The following TRAF2 variants were observed in gnomAD, a reference collection of about 807,000 sequenced individuals.
TRAF2 encodes TNF receptor-associated factor 2.
TRAF2 carries 6 observed loss-of-function variants against 55.6 expected under a neutral mutation model. That is an observed-to-expected ratio of 0.11 (90% CI 0.06 to 0.21). The LOEUF (loss-of-function observed/expected upper bound fraction) is 0.21, where lower values mean the gene tolerates loss of function less well. Among genes scored for constraint, TRAF2 ranks in the 10% least tolerant of loss-of-function variants. The pLI, the probability that TRAF2 is intolerant of heterozygous loss-of-function variation, is 1.00. For missense variants in TRAF2, 561 were observed against 684.5 expected (o/e 0.82, Z 2.01); for synonymous variants, 329 against 276.3 (o/e 1.19, Z -1.89).
intron 7 of TRAF2, among the ~76,000 whole-genome samples, chr9:136,918,852 A>G (rs1850308914): frequency 6.7e-6 from 1 of 149,756 alleles, no homozygotes; most frequent in Non-Finnish European, 1.5e-5. Context: ...CTCCTGCCTC[A>G]GCCTTCCGGG....
intron 1 of TRAF2, among the ~76,000 whole-genome samples, chr9:136,894,555 T>A (rs1349602070): frequency 6.6e-6 from 1 of 150,798 alleles, no homozygotes; most frequent in Non-Finnish European, 1.5e-5. Context: ...AGGGCAAAGG[T>A]GTTAAGGGAA....
At chr9:136,895,850 G>GAAAAAAA (rs56199191) in intron 1 of TRAF2, among the ~76,000 whole-genome samples, 1 of 132,930 alleles carries the variant, frequency 7.5e-6, no homozygotes, top group Admixed American at 7.8e-5. Flanking sequence ...TCTGTTTAAG[G>GAAAAAAA]AAAAAAAAAA....
chr9:136,923,610 CAAAAAAAA>C (rs55666712), intron 9 of TRAF2, among the ~76,000 whole-genome samples: 2 of 67,762 alleles, frequency 3.0e-5, no homozygotes, highest in East Asian at 5.2e-4. Context: ...GACTCCATCT[CAAAAAAAA>C]AAAAAAAAAA....
chr9:136,917,449 C>G (rs1412052087), intron 7 of TRAF2, among the ~76,000 whole-genome samples: 2 of 152,220 alleles, frequency 1.3e-5, no homozygotes, highest in Admixed American at 1.3e-4. Context: ...GTCGCCAGCA[C>G]CTCGTGTCTT....
intron 10 of TRAF2, 29 bp downstream of exon 10, chr9:136,924,029 G>A: frequency 3.1e-6 from 5 of 1,608,346 alleles, no homozygotes; most frequent in Non-Finnish European, 4.2e-6. Flanking sequence ...GCTTCGCTAG[G>A]GCCGCACCTG....
chr9:136,920,097 C>G, intron 7 of TRAF2, 137 bp from the exon 8 acceptor site: 1 of 1,117,342 alleles, frequency 8.9e-7, no homozygotes, highest in Non-Finnish European at 1.2e-6. Context: ...TCAGCCATGA[C>G]CAGGCCACCC....
chr9:136,910,110 T>C (rs1484407914), intron 6 of TRAF2, 116 bp downstream of exon 6: 6 of 1,124,556 alleles, frequency 5.3e-6, no homozygotes, highest in East Asian at 2.6e-5. Context: ...GGAACAGCAG[T>C]GCAAAGCCCC....
upstream of TRAF2, chr9:136,882,720 C>A: frequency 1.0e-6 from 1 of 985,516 alleles, no homozygotes; most frequent in South Asian, 4.7e-5. Context: ...AGTGAGTCAC[C>A]CCTTTCCAGC....
At chr9:136,895,291 G>T (rs934832516) in intron 1 of TRAF2, among the ~76,000 whole-genome samples, 1 of 152,204 alleles carries the variant, frequency 6.6e-6, no homozygotes, top group Non-Finnish European at 1.5e-5. Context: ...CTGCGGTTCT[G>T]CCTGGTGGGT....
chr9:136,922,253 C>G (rs1302032680), intron 9 of TRAF2: 1 of 152,268 alleles, frequency 6.6e-6, no homozygotes, highest in African/African-American at 2.4e-5. Flanking sequence ...TGAGTTGAGA[C>G]TGGAAAAATG....
Position 136,908,182 on chromosome 9 carries a change from G to T in TRAF2, c.479G>T (p.Ser160Ile). The change falls in exon 5 of 11, where the codon AGC (serine) becomes ATC (isoleucine). Residue 160 changes from serine (S) to isoleucine (I), a missense_variant. Ser to Ile is a moderately radical substitution (Grantham distance 142). Around this residue, in one of 2 missense-constraint regions of TRAF2, gnomAD observed 426 missense variants for 476.8 expected, o/e 0.89. Transcript: ENST00000247668. The stretch of plus-strand genomic sequence containing the variant: ...CTGGAGCACGAGTGCCCGGAGAGAA[G>T]CCTGAGCTGCCGGCATTGCCGGGCA... ...RHLEHECPERSLSCRHCRAPC... is the reference protein window; with the variant it reads ...RHLEHECPERILSCRHCRAPC... The T allele has an allele frequency of 6.2e-7, 1 of 1,601,060 alleles. No individual in the cohort carries two copies. The highest frequency in any genetic ancestry group is 1.1e-5 in the South Asian group (1 of 91,062).
intron 4 of TRAF2, among the ~76,000 whole-genome samples, chr9:136,905,501 G>A (rs1000974864): frequency 6.6e-6 from 1 of 152,216 alleles, no homozygotes; most frequent in Admixed American, 6.5e-5. Context: ...ATGGGAAAGC[G>A]TGATGGAGGT....
At chr9:136,895,968 C>T (rs1849671026) in intron 1 of TRAF2, among the ~76,000 whole-genome samples, 1 of 152,108 alleles carries the variant, frequency 6.6e-6, no homozygotes, top group South Asian at 2.1e-4. Flanking sequence ...ACCCTTAGGC[C>T]AGGGCCTGTC....
At chr9:136,925,610 T>C (rs1850511427) in intron 10 of TRAF2, 73 bp from the exon 11 acceptor site, 11 of 1,491,790 alleles carry the variant, frequency 7.4e-6, no homozygotes, top group East Asian at 2.3e-5. Context: ...GCCCTGCCAG[T>C]GTCCAGACCC....
intron 6 of TRAF2, among the ~76,000 whole-genome samples, chr9:136,911,844 C>CTTTTTT (rs1304459874): frequency 4.0e-5 from 2 of 50,378 alleles, no homozygotes; most frequent in African/African-American, 2.2e-4. Flanking sequence ...TTTCTCTTAT[C>CTTTTTT]TCTTTTTTTT....
chr9:136,914,908 G>A (rs998515907), intron 6 of TRAF2, among the ~76,000 whole-genome samples: 23 of 152,006 alleles, frequency 1.5e-4, no homozygotes, highest in Admixed American at 1.3e-3. Context: ...GGCCGGGTGC[G>A]GTGGCTCATG....
At chr9:136,918,870 G>C (rs970742862) in intron 7 of TRAF2, among the ~76,000 whole-genome samples, 1 of 151,490 alleles carries the variant, frequency 6.6e-6, no homozygotes, top group Non-Finnish European at 1.5e-5. Flanking sequence ...GGGAAGCTGG[G>C]ATTACAAGCA....
intron 6 of TRAF2, among the ~76,000 whole-genome samples, chr9:136,912,145 T>G (rs1411921894): frequency 1.7e-5 from 2 of 121,206 alleles, no homozygotes; most frequent in Admixed American, 8.7e-5. Context: ...AGCCACTGCG[T>G]CTGGCCCTTT....
At position 136,925,811 on chromosome 9, in the gene TRAF2, C is replaced by T. The variant is rs764433595; in HGVS notation, c.1416C>T (p.Phe472=). The change falls in exon 11 of 11, where the codon TTC becomes TTT. Residue 472 remains phenylalanine (F), a synonymous_variant. Coordinates refer to ENST00000247668, the MANE Select transcript of TRAF2 (RefSeq NM_021138.4). ...DMNIASGCPL[F]CPVSKMEAKN... ...ACATCGCAAGCGGCTGCCCCCTCTT[C>T]TGCCCCGTCTCCAAGATGGAGGCAA... The T allele has an allele frequency of 5.6e-6, 9 of 1,614,142 alleles. No individual in the cohort carries two copies. Among genetic ancestry groups the T allele is most frequent in the East Asian group, 2.2e-5 (1 of 44,900 alleles).
Sources: gnomAD v4.1 joint callset for allele counts (sites outside exome capture counted in the v4.1 genomes callset) on GRCh38, gnomAD v4.1.1 for gene constraint, gnomAD v4.1.1 regional missense constraint, MANE v1.5 for transcripts, NCBI Gene and HGNC (gene_info 2026-07-23, HGNC 2026-07-21) for gene names.